B3GALT1: variants seen among roughly 807,000 people sequenced by gnomAD.
B3GALT1 encodes the protein UDP-Gal:betaGlcNAc beta 1,3-galactosyltransferase, polypeptide 1.
B3GALT1 carries 10 observed loss-of-function variants against 23.2 expected under a neutral mutation model. The ratio of observed to expected loss-of-function variants is 0.43; its 90% CI spans 0.27 to 0.73. The LOEUF is 0.73. Ranked by LOEUF, B3GALT1 falls within the 30% of genes least tolerant of loss-of-function variation. The pLI is 0.21. For synonymous variants in B3GALT1, 156 were observed against 141.5 expected, an observed-to-expected ratio of 1.10 and a Z score of -0.73; for missense variants, 299 against 405.4, an observed-to-expected ratio of 0.74 and a Z score of 2.25.
intron 3 of B3GALT1, among the ~76,000 whole-genome samples, chr2:167,806,560 C>T (rs983481397): frequency 1.3e-5 from 2 of 152,194 alleles, no homozygotes; most frequent in Admixed American, 6.5e-5. Flanking sequence ...GCCTTTTCTG[C>T]ATCTATTGAG....
At chr2:167,700,675 C>CA (rs1015530002) in intron 3 of B3GALT1, among the ~76,000 whole-genome samples, 5 of 151,364 alleles carry the variant, frequency 3.3e-5, no homozygotes, top group Non-Finnish European at 7.4e-5. Flanking sequence ...TCAGTACAGT[C>CA]AAAAAAAAGA....
At chr2:167,859,524 C>T (rs886324525) in intron 4 of B3GALT1, among the ~76,000 whole-genome samples, 1 of 152,152 alleles carries the variant, frequency 6.6e-6, no homozygotes. Flanking sequence ...CCCAACCACT[C>T]CTCTTTCAGG....
intron 2 of B3GALT1, among the ~76,000 whole-genome samples, chr2:167,514,724 C>G (rs13385218): frequency 7.4e-4 from 112 of 152,292 alleles, no homozygotes; most frequent in African/African-American, 2.6e-3. Flanking sequence ...AATCAAGCAG[C>G]TAATCCTGGC....
At chr2:167,592,808 A>G (rs1372762949) in intron 2 of B3GALT1, among the ~76,000 whole-genome samples, 1 of 152,190 alleles carries the variant, frequency 6.6e-6, no homozygotes, top group Non-Finnish European at 1.5e-5. Context: ...GGAAAAAGAC[A>G]TTTGCAAGAT....
At chr2:167,809,632 C>T (rs553346918) in intron 3 of B3GALT1, among the ~76,000 whole-genome samples, 3 of 152,308 alleles carry the variant, frequency 2.0e-5, no homozygotes, top group South Asian at 2.1e-4. Context: ...GCTGCCTGAT[C>T]GTTCCTCTGG....
intron 2 of B3GALT1, among the ~76,000 whole-genome samples, chr2:167,592,081 AT>A (rs1684693174): frequency 6.6e-6 from 1 of 152,186 alleles, no homozygotes; most frequent in Admixed American, 6.5e-5. Context: ...TGTTACCATT[AT>A]CTGAGATGGG....
chr2:167,340,760 C>T (rs1022733300), intron 1 of B3GALT1, among the ~76,000 whole-genome samples: 1 of 152,168 alleles, frequency 6.6e-6, no homozygotes, highest in East Asian at 1.9e-4. Context: ...GGAGCCTCTA[C>T]CATTTCATAT....
chr2:167,846,023 CT>C (rs1574298427), intron 4 of B3GALT1, among the ~76,000 whole-genome samples: 1 of 152,080 alleles, frequency 6.6e-6, no homozygotes. Flanking sequence ...AAAACAAGGT[CT>C]TTGAATTAAC....
intron 1 of B3GALT1, among the ~76,000 whole-genome samples, chr2:167,421,393 AAC>A (rs1030355162): frequency 5.3e-5 from 8 of 152,204 alleles, no homozygotes; most frequent in African/African-American, 1.9e-4. Context: ...GAAGACAGGA[AAC>A]ACAAAACAGT....
intron 1 of B3GALT1, among the ~76,000 whole-genome samples, chr2:167,423,034 A>G (rs967751085): frequency 6.6e-5 from 10 of 152,172 alleles, no homozygotes; most frequent in Admixed American, 2.6e-4. Flanking sequence ...AAATTCCTCA[A>G]AAGTTTCTCA....
At chr2:167,479,873 G>A (rs1699536962) in intron 1 of B3GALT1, among the ~76,000 whole-genome samples, 1 of 152,038 alleles carries the variant, frequency 6.6e-6, no homozygotes, top group African/African-American at 2.4e-5. Flanking sequence ...ATAGTTTTGT[G>A]GGCAGAAGAC....
intron 2 of B3GALT1, among the ~76,000 whole-genome samples, chr2:167,532,414 A>C (rs1683340686): frequency 6.6e-6 from 1 of 152,226 alleles, no homozygotes; most frequent in African/African-American, 2.4e-5. Context: ...TTTTATTTAT[A>C]GGCAATACTG....
chr2:167,394,805 T>C (rs1176736286), intron 1 of B3GALT1, among the ~76,000 whole-genome samples: 1 of 152,122 alleles, frequency 6.6e-6, no homozygotes, highest in Non-Finnish European at 1.5e-5. Flanking sequence ...TGAAACCTAA[T>C]AGAGTTTGTC....
At chr2:167,327,302 AT>A (rs1197223599) in intron 1 of B3GALT1, among the ~76,000 whole-genome samples, 1 of 152,018 alleles carries the variant, frequency 6.6e-6, no homozygotes, top group Non-Finnish European at 1.5e-5. Flanking sequence ...TGACATTGGT[AT>A]TTTGATAGAG....
rs532820387 is a variant in B3GALT1 at position 167,556,754 on chromosome 2, A to G, written c.-410+66477A>G. On this transcript the variant is annotated intron_variant, in intron 2 of 4. Coordinates refer to ENST00000392690, the MANE Select transcript of B3GALT1 (RefSeq NM_020981.4). The stretch of plus-strand genomic sequence containing the variant: ...GAAAATGTTCGTTCACTGCAACTTC[A>G]TAGAGGAATGAACATTCTAGGTATG... Among the ~76,000 whole-genome samples the G allele has an allele frequency of 4.6e-5, 7 of 152,300 alleles. No individual in the cohort carries two copies. The East Asian group carries it at 1.2e-3, about 25-fold the overall frequency.
In B3GALT1 at chr2:167,346,494, C is replaced by CA. The variant is rs1291763753; in HGVS notation, c.-511+53164dup. Among the ~76,000 whole-genome samples, 5 of 152,168 alleles carry CA rather than the reference C, an allele frequency of 3.3e-5. No homozygotes were observed. The East Asian group carries it at 9.6e-4, about 29-fold the overall frequency. ...ACTGATCCCTTATGTCAATGTAATG[C>CA]AAAATTCTAAAATCCTTGAATAATA... On this transcript the variant is annotated intron_variant, in intron 1 of 4. Coordinates refer to ENST00000392690, the MANE Select transcript of B3GALT1 (RefSeq NM_020981.4).
At position 167,448,066 on chromosome 2, in the gene B3GALT1, A is replaced by G. The variant is rs144792597; in HGVS notation, c.-510-42111A>G. Among the ~76,000 whole-genome samples the G allele has an allele frequency of 4.3e-4, 66 of 152,056 alleles. 1 individual carries two copies. Among genetic ancestry groups the G allele is most frequent in the Non-Finnish European group, 3.1e-4 (21 of 68,010 alleles). On this transcript the variant is annotated intron_variant, in intron 1 of 4. Coordinates refer to ENST00000392690, the MANE Select transcript of B3GALT1 (RefSeq NM_020981.4). ...TGCTTCCATGTTTTTGCAATTGCCAATTGTGCTACTATAAACATGTGTGTG... is the reference window on the plus strand; with the variant it reads ...TGCTTCCATGTTTTTGCAATTGCCAGTTGTGCTACTATAAACATGTGTGTG...
intron 2 of B3GALT1, among the ~76,000 whole-genome samples, chr2:167,560,064 G>C (rs1179821576): frequency 1.3e-5 from 2 of 152,156 alleles, no homozygotes; most frequent in African/African-American, 4.8e-5. Context: ...AGAAAGGTCA[G>C]GTTACCCACA....
chr2:167,337,314 T>C (rs1291386010), intron 1 of B3GALT1, among the ~76,000 whole-genome samples: 2 of 151,962 alleles, frequency 1.3e-5, no homozygotes, highest in African/African-American at 4.8e-5. Flanking sequence ...AGAATATCCG[T>C]CTGTCTTCCT....
Sources: allele counts gnomAD v4.1 joint callset (sites outside exome capture counted in the v4.1 genomes callset), GRCh38; gene constraint gnomAD v4.1.1; transcripts MANE v1.5; gene names NCBI Gene and HGNC (gene_info 2026-07-23, HGNC 2026-07-21).